The following NBPF20 variants were observed in gnomAD, a reference collection of about 807,000 sequenced individuals.
NBPF20 encodes the protein NBPF family member NBPF20.
A neutral mutation model predicts 68.1 loss-of-function variants in NBPF20; 90 were observed. The ratio of observed to expected loss-of-function variants is 1.32; its 90% CI spans 1.11 to 1.58. NBPF20 has a LOEUF of 1.58. Ranked by LOEUF, NBPF20 falls within the 40% of genes most tolerant of loss-of-function variation. The pLI is 0.00. For synonymous variants in NBPF20, 290 were observed against 228.1 expected, an observed-to-expected ratio of 1.27 and a Z score of -2.45; for missense variants, 816 against 601.2, an observed-to-expected ratio of 1.36 and a Z score of -3.74.
chr1:145,394,189 C>T (rs1662097892), intron 8 of NBPF20, among the ~76,000 whole-genome samples: 1 of 152,128 alleles, frequency 6.6e-6, no homozygotes, highest in Non-Finnish European at 1.5e-5. Flanking sequence ...GGCTTCTGTA[C>T]ACAAATGAGA....
At chr1:145,408,392 T>C (rs1294914989), upstream of NBPF20, among the ~76,000 whole-genome samples, 4 of 152,030 alleles carry the variant, frequency 2.6e-5, no homozygotes, top group Non-Finnish European at 5.9e-5. Flanking sequence ...GGATTTCTTA[T>C]GAATAAAAAA....
chr1:145,415,248 C>T, the NBPF20 span, among the ~76,000 whole-genome samples: 1 of 151,764 alleles, frequency 6.6e-6, no homozygotes, highest in Non-Finnish European at 1.5e-5. Context: ...GCCAGCATGT[C>T]CCACCTCCAG....
upstream of NBPF20, among the ~76,000 whole-genome samples, chr1:145,406,181 G>A (rs587729237): frequency 1.3e-4 from 19 of 147,660 alleles, no homozygotes; most frequent in Admixed American, 4.2e-4. Context: ...GTGATCTGCC[G>A]CCTCGGCCTC....
rs3928621 is a variant in NBPF20, at chr1:145,292,197, T to G, written c.16697+184A>C. Among the ~76,000 whole-genome samples the G allele has an allele frequency of 2.2e-4, 33 of 149,652 alleles. 2 individuals carry two copies. Among genetic ancestry groups the G allele is most frequent in the African/African-American group, 5.9e-4 (23 of 39,110 alleles). ...GTATGGTCAACCTATGGCACGTTAG[T>G]AAAAGATAAGGGGAGGAAGAAATGG... On this transcript the variant is annotated intron_variant, in intron 137 of 137. Coordinates refer to ENST00000369373, the Ensembl canonical transcript of NBPF20.
chr1:145,393,619 A>G (rs1474028588), intron 9 of NBPF20: 3 of 788,058 alleles, frequency 3.8e-6, no homozygotes, highest in Non-Finnish European at 6.0e-6. Context: ...TTTTGCATAA[A>G]ATGTGCTCAA....
intron 119 of NBPF20, among the ~76,000 whole-genome samples, chr1:145,306,269 A>T (rs1661405783): frequency 6.8e-6 from 1 of 147,998 alleles, no homozygotes; most frequent in African/African-American, 2.5e-5. Flanking sequence ...ATAGACACAC[A>T]CACACACACA....
exon 5 of NBPF20, chr1:145,401,118 A>T: frequency 6.2e-7 from 1 of 1,606,072 alleles, no homozygotes; most frequent in Non-Finnish European, 8.5e-7. Flanking sequence ...CTTCATCGTC[A>T]TCGTTGTCAT....
At chr1:145,410,530 G>A (rs587743767), upstream of NBPF20, among the ~76,000 whole-genome samples, 1 of 150,536 alleles carries the variant, frequency 6.6e-6, no homozygotes, top group East Asian at 1.9e-4. Flanking sequence ...AGCCGGGATG[G>A]TCTCGATCTC....
rs1286906240 is a variant in NBPF20 at position 145,393,582 on chromosome 1, T to C, written c.1043+302A>G. 7.2e-4 allele frequency: 469 copies of C among 647,916 alleles called. 7 individuals are homozygous for C. In the East Asian group the frequency reaches 0.012, roughly 17 times the overall value. 40.1% of individuals were successfully genotyped at this position (647,916 alleles called of 1,614,324 possible). ...TGCTCTCAGGACACACTGTGAACAGTGATCATGAAAAGCATGTCCTCAATA... is the reference window on the plus strand; with the variant it reads ...TGCTCTCAGGACACACTGTGAACAGCGATCATGAAAAGCATGTCCTCAATA... On this transcript the variant is annotated intron_variant, in intron 9 of 137. Transcript: ENST00000369373.
upstream of NBPF20, among the ~76,000 whole-genome samples, chr1:145,408,571 T>C (rs1182332324): frequency 2.0e-5 from 3 of 151,862 alleles, no homozygotes; most frequent in Non-Finnish European, 4.4e-5. Context: ...TCCAACTTAT[T>C]GCTTCTTCAA....
intron 133 of NBPF20, chr1:145,295,363 TC>T (rs1661284326): frequency 5.1e-6 from 1 of 194,804 alleles, no homozygotes; most frequent in Non-Finnish European, 8.6e-6. Context: ...TGAGGTATGG[TC>T]AACCTATAGT....
chr1:145,397,359 C>T (rs1182791108), intron 7 of NBPF20, among the ~76,000 whole-genome samples: 12 of 151,970 alleles, frequency 7.9e-5, no homozygotes, highest in Non-Finnish European at 1.5e-4. Context: ...CTTCCACAAT[C>T]GTTGAACTAG....
chr1:145,404,196 A>T (rs1482841706), intron 2 of NBPF20, among the ~76,000 whole-genome samples: 1 of 149,838 alleles, frequency 6.7e-6, no homozygotes, highest in Non-Finnish European at 1.5e-5. Context: ...GTGCACCAGG[A>T]AACAGGACTT....
exon 2 of NBPF20, chr1:145,405,201 C>T: frequency 6.2e-7 from 1 of 1,612,164 alleles, no homozygotes; most frequent in Non-Finnish European, 8.5e-7. Context: ...ACTGGGGGCG[C>T]AATTTCTCGT....
At chr1:145,298,318 A>G in intron 129 of NBPF20, among the ~76,000 whole-genome samples, 184 bp from the exon 135 acceptor site, 1 of 137,072 alleles carries the variant, frequency 7.3e-6, no homozygotes, top group East Asian at 2.0e-4. Flanking sequence ...AGAATGAAAG[A>G]GAAAGACAGA....
At chr1:145,291,831 T>C in intron 137 of NBPF20, 62 bp from the exon 143 acceptor site, 6 of 1,611,074 alleles carry the variant, frequency 3.7e-6, no homozygotes, top group Admixed American at 1.7e-5. Context: ...AGAGCCCCAC[T>C]AGATTTCAGA....
chr1:145,394,409 TG>T (rs1189684787), intron 8 of NBPF20, among the ~76,000 whole-genome samples: 9 of 152,016 alleles, frequency 5.9e-5, no homozygotes, highest in Non-Finnish European at 1.5e-5. Context: ...ATGGCTTTTG[TG>T]GGTGAAAAGT....
At chr1:145,292,578 C>T in intron 136 of NBPF20, 89 bp from the exon 142 acceptor site, 1 of 742,804 alleles carries the variant, frequency 1.3e-6, no homozygotes, top group Non-Finnish European at 2.4e-6. Context: ...ACAGGGACCT[C>T]AGGCTCCCCA....
chr1:145,421,672 T>C, the NBPF20 span, among the ~76,000 whole-genome samples: 2 of 152,206 alleles, frequency 1.3e-5, no homozygotes, highest in Non-Finnish European at 2.9e-5. Flanking sequence ...ATAACAACAA[T>C]GAATACTATA....
Sources: allele counts gnomAD v4.1 joint callset (sites outside exome capture counted in the v4.1 genomes callset), GRCh38; gene constraint gnomAD v4.1.1; transcripts MANE v1.5; gene names NCBI Gene and HGNC (gene_info 2026-07-23, HGNC 2026-07-21).